DSCAM: variants seen among roughly 807,000 people sequenced by gnomAD.
DSCAM encodes DS cell adhesion molecule, also known as cell adhesion molecule DSCAM.
A neutral mutation model predicts 217.7 loss-of-function variants in DSCAM; 47 were observed. The observed-to-expected ratio is 0.22, with a 90% CI of 0.17 to 0.28. The LOEUF is 0.28. Among genes scored for constraint, DSCAM ranks in the 10% least tolerant of loss-of-function variants. DSCAM has a pLI of 1.00. For synonymous variants in DSCAM, 1,056 were observed against 1,015.3 expected (o/e 1.04, Z -0.76); for missense variants, 2,080 against 2,618.3 (o/e 0.79, Z 4.49).
At chr21:40,333,531 A>C (rs1297821214) in intron 8 of DSCAM, among the ~76,000 whole-genome samples, 3 of 152,026 alleles carry the variant, frequency 2.0e-5, no homozygotes, top group African/African-American at 7.2e-5. Flanking sequence ...TGCCTGGCTA[A>C]TTTTTGTATT....
intron 8 of DSCAM, among the ~76,000 whole-genome samples, chr21:40,321,542 G>T (rs1011160345): frequency 2.1e-4 from 32 of 150,682 alleles, no homozygotes; most frequent in African/African-American, 7.8e-4. Flanking sequence ...CTTTTGTGTG[G>T]TTTCTCTTTT....
At chr21:40,813,645 GTTTTT>G (rs869088003) in intron 1 of DSCAM, among the ~76,000 whole-genome samples, 1 of 126,512 alleles carries the variant, frequency 7.9e-6, no homozygotes. Context: ...TTTCTTTCTT[GTTTTT>G]TTTTTTTTTT....
intron 3 of DSCAM, among the ~76,000 whole-genome samples, chr21:40,648,105 T>G (rs1405984268): frequency 6.6e-6 from 1 of 150,602 alleles, no homozygotes; most frequent in Non-Finnish European, 1.5e-5. Flanking sequence ...TTTGGAAAAG[T>G]AAAATAAAAG....
chr21:40,029,961 T>A (rs2088485583), intron 32 of DSCAM, among the ~76,000 whole-genome samples: 1 of 152,260 alleles, frequency 6.6e-6, no homozygotes, highest in African/African-American at 2.4e-5. Context: ...AAGGGTCTCC[T>A]TTCAAATGCA....
At chr21:40,253,178 C>T (rs2146963873) in intron 11 of DSCAM, among the ~76,000 whole-genome samples, 1 of 152,200 alleles carries the variant, frequency 6.6e-6, no homozygotes, top group African/African-American at 2.4e-5. Context: ...ATGGTTGGTC[C>T]ACAGTGAGGG....
chr21:40,299,934 C>G (rs924548829), intron 9 of DSCAM, among the ~76,000 whole-genome samples: 6 of 152,164 alleles, frequency 3.9e-5, no homozygotes, highest in East Asian at 3.9e-4. Context: ...CAAGGAGTCA[C>G]TTAGTAATGA....
chr21:40,625,260 C>A lies in DSCAM; in HGVS notation c.508+67550G>T, dbSNP rs530227864. Among the ~76,000 whole-genome samples the A allele has an allele frequency of 2.6e-5, 4 of 151,784 alleles. No homozygotes were observed. The South Asian group carries it at 8.4e-4, about 32-fold the overall frequency. ...GAGATATACATGGAGACTAACTGTCCACATTTTCCAAAAGAAAATGAAAGA... is the reference window on the plus strand; with the variant it reads ...GAGATATACATGGAGACTAACTGTCAACATTTTCCAAAAGAAAATGAAAGA... On this transcript the variant is annotated intron_variant, in intron 3 of 32. Coordinates refer to ENST00000400454, the MANE Select transcript of DSCAM (RefSeq NM_001389.5).
rs1449302468 is a variant in DSCAM, at chr21:40,055,900, C to T, written c.4920-60G>A. 4.6e-6 allele frequency: 6 copies of T among 1,295,076 alleles called. No homozygotes were observed. The African/African-American group carries it at 7.3e-5, about 16-fold the overall frequency. The allele number at this position is 1,295,076 out of a possible 1,614,324, so 80.2% of individuals were successfully genotyped here. On this transcript the variant is annotated intron_variant, in intron 28 of 32. Transcript: ENST00000400454. ...CAGTTCAGTGTTAACATTCTACCAA[C>T]ATGCACCTGTATACCAACTTAGTTT...
intron 19 of DSCAM, among the ~76,000 whole-genome samples, chr21:40,127,840 ATCTGATGGTGC>A (rs1042697302): frequency 3.3e-5 from 5 of 152,094 alleles, no homozygotes; most frequent in African/African-American, 9.7e-5. Flanking sequence ...TCTCCCCCTG[ATCTGATGGTGC>A]TCCCCAACAC....
intron 10 of DSCAM, among the ~76,000 whole-genome samples, chr21:40,287,146 A>T (rs1408925646): frequency 6.6e-6 from 1 of 151,670 alleles, no homozygotes; most frequent in Non-Finnish European, 1.5e-5. Context: ...CTGCAGCATG[A>T]TCCACAGTGT....
intron 3 of DSCAM, among the ~76,000 whole-genome samples, chr21:40,571,150 T>C (rs1344219953): frequency 6.6e-6 from 1 of 151,842 alleles, no homozygotes; most frequent in African/African-American, 2.4e-5. Flanking sequence ...ATGTTATATT[T>C]AGGGGAAGTA....
chr21:40,591,559 A>T (rs73366990), intron 3 of DSCAM, among the ~76,000 whole-genome samples: 8 of 152,156 alleles, frequency 5.3e-5, no homozygotes, highest in Non-Finnish European at 8.8e-5. Context: ...TTGTGAGGGT[A>T]TGTTATATTG....
In DSCAM at chr21:40,273,468, G is replaced by A. The variant is rs76073079; in HGVS notation, c.2356+2629C>T. On this transcript the variant is annotated intron_variant, in intron 11 of 32. Transcript: ENST00000400454. ...TCCTCTCCCATCTCCTCCATGTACT[G>A]TAGAACATTCGAACAGAGAGTTACT... 4.8e-3 allele frequency among the ~76,000 whole-genome samples: 736 copies of A among 152,276 alleles called. 7 individuals carry two copies. Among genetic ancestry groups the A allele is most frequent in the African/African-American group, 0.016 (680 of 41,562 alleles).
At chr21:40,708,115 G>A (rs1034477713) in intron 2 of DSCAM, among the ~76,000 whole-genome samples, 9 of 145,202 alleles carry the variant, frequency 6.2e-5, no homozygotes, top group African/African-American at 2.4e-4. Context: ...TAGGGGAAGG[G>A]CAAGTGGGAA....
intron 8 of DSCAM, among the ~76,000 whole-genome samples, chr21:40,315,979 T>G (rs1314394024): frequency 1.3e-5 from 2 of 152,180 alleles, no homozygotes. Context: ...TTGGATGACA[T>G]TTTGTTTGGG....
At position 40,437,930 on chromosome 21, in the gene DSCAM, T is replaced by C. The variant is rs1343430430; in HGVS notation, c.509-68685A>G. Among the ~76,000 whole-genome samples the C allele has an allele frequency of 2.0e-5, 3 of 152,244 alleles. No homozygotes were observed. The East Asian group carries it at 5.8e-4, about 29-fold the overall frequency. ...GCCCTTGAGGCCAAGCTCTCAGATTTGGCTTGCAGCAATGTTCATCTCATA... is the reference window on the plus strand; with the variant it reads ...GCCCTTGAGGCCAAGCTCTCAGATTCGGCTTGCAGCAATGTTCATCTCATA... On this transcript the variant is annotated intron_variant, in intron 3 of 32. Transcript: ENST00000400454.
intron 1 of DSCAM, among the ~76,000 whole-genome samples, chr21:40,808,038 G>C (rs1477611697): frequency 6.6e-6 from 1 of 152,074 alleles, no homozygotes; most frequent in African/African-American, 2.4e-5. Flanking sequence ...ATTCAGAGCT[G>C]AGTCCTTCTA....
At chr21:40,773,925 G>A (rs911533046) in intron 1 of DSCAM, among the ~76,000 whole-genome samples, 12 of 152,302 alleles carry the variant, frequency 7.9e-5, no homozygotes, top group East Asian at 5.8e-4. Flanking sequence ...CCCAGAATAC[G>A]GAAGCCTTGA....
chr21:40,822,926 G>A (rs1482931528), intron 1 of DSCAM, among the ~76,000 whole-genome samples: 1 of 152,140 alleles, frequency 6.6e-6, no homozygotes, highest in Admixed American at 6.5e-5. Flanking sequence ...GAGGCGGGCG[G>A]ATCACTTGAG....
Sources: gnomAD v4.1 joint callset for allele counts (sites outside exome capture counted in the v4.1 genomes callset) on GRCh38, gnomAD v4.1.1 for gene constraint, MANE v1.5 for transcripts, NCBI Gene and HGNC (gene_info 2026-07-23, HGNC 2026-07-21) for gene names.